Variants in NKAIN2 observed in about 807,000 individuals in gnomAD.
NKAIN2 encodes the protein sodium/potassium transporting ATPase interacting 2.
In NKAIN2, 14 loss-of-function variants were observed where a neutral mutation model predicts 32.6. That is an observed-to-expected ratio of 0.43 (90% CI 0.28 to 0.67). The LOEUF (loss-of-function observed/expected upper bound fraction) is 0.67. NKAIN2 is among the 30% of genes least tolerant of loss of function. The pLI, the probability that NKAIN2 is intolerant of heterozygous loss-of-function variation, is 0.17. For synonymous variants in NKAIN2, 80 were observed against 87.2 expected (o/e 0.92, Z 0.46); for missense variants, 198 against 258.3 (o/e 0.77, Z 1.60).
chr6:124,742,906 A>G (rs1387535202), intron 4 of NKAIN2, among the ~76,000 whole-genome samples: 1 of 151,952 alleles, frequency 6.6e-6, no homozygotes, highest in African/African-American at 2.4e-5. Context: ...ATAACATAAT[A>G]AGATCAAAAC....
chr6:123,807,563 T>G (rs1217326804), intron 1 of NKAIN2, among the ~76,000 whole-genome samples: 1 of 152,114 alleles, frequency 6.6e-6, no homozygotes, highest in Non-Finnish European at 1.5e-5. Flanking sequence ...TGTGAAAGTT[T>G]TGGCATGTTT....
intron 3 of NKAIN2, among the ~76,000 whole-genome samples, chr6:124,531,048 C>A (rs1044771645): frequency 2.0e-5 from 3 of 152,176 alleles, no homozygotes; most frequent in Non-Finnish European, 2.9e-5. Flanking sequence ...TACCAGCTAT[C>A]TGGATATCCC....
At chr6:124,115,427 G>A (rs1452982046) in intron 1 of NKAIN2, among the ~76,000 whole-genome samples, 1 of 152,080 alleles carries the variant, frequency 6.6e-6, no homozygotes, top group African/African-American at 2.4e-5. Context: ...CTAGGATTAT[G>A]AGCGAAGTTC....
chr6:123,804,838 A>G (rs1045765682), intron 1 of NKAIN2, among the ~76,000 whole-genome samples: 6 of 152,194 alleles, frequency 3.9e-5, no homozygotes, highest in Non-Finnish European at 7.4e-5. Context: ...GAACAAAAAT[A>G]CTTAGGTGAA....
At chr6:123,948,770 G>GTCC (rs1005908921) in intron 1 of NKAIN2, among the ~76,000 whole-genome samples, 4 of 151,460 alleles carry the variant, frequency 2.6e-5, no homozygotes, top group African/African-American at 9.7e-5. Context: ...GTTTAATATA[G>GTCC]TCCTCTTTGA....
intron 1 of NKAIN2, among the ~76,000 whole-genome samples, chr6:123,810,314 GT>G (rs911546748): frequency 6.7e-5 from 10 of 149,204 alleles, no homozygotes; most frequent in South Asian, 2.1e-4. Flanking sequence ...AGCCTCTCAT[GT>G]TTTTTTTTTC....
At chr6:124,610,068 C>G (rs1317257295) in intron 3 of NKAIN2, among the ~76,000 whole-genome samples, 1 of 152,142 alleles carries the variant, frequency 6.6e-6, no homozygotes, top group East Asian at 1.9e-4. Context: ...GAAGTCATAC[C>G]TGAGCTGGAG....
At chr6:124,109,331 A>G (rs1785262214) in intron 1 of NKAIN2, among the ~76,000 whole-genome samples, 1 of 151,834 alleles carries the variant, frequency 6.6e-6, no homozygotes, top group Non-Finnish European at 1.5e-5. Context: ...TTGCCTAATT[A>G]CCTTTTCAGA....
intron 1 of NKAIN2, among the ~76,000 whole-genome samples, chr6:124,106,374 G>C (rs73563199): frequency 0.017 from 2,661 of 152,186 alleles, 76 homozygotes; most frequent in African/African-American, 0.061. Context: ...TGTTATTACT[G>C]TTAGGGAAAA....
chr6:124,083,444 C>G (rs1466813250), intron 1 of NKAIN2, among the ~76,000 whole-genome samples: 1 of 151,580 alleles, frequency 6.6e-6, no homozygotes, highest in Non-Finnish European at 1.5e-5. Context: ...AATTGTTTTT[C>G]TTTTGTTGCA....
intron 5 of NKAIN2, among the ~76,000 whole-genome samples, chr6:124,813,610 A>T (rs1210053202): frequency 6.6e-6 from 1 of 152,132 alleles, no homozygotes; most frequent in African/African-American, 2.4e-5. Flanking sequence ...CCTGGTTTCT[A>T]CTCTCATCCT....
At chr6:124,478,114 A>G (rs140113185) in intron 3 of NKAIN2, among the ~76,000 whole-genome samples, 96 of 152,178 alleles carry the variant, frequency 6.3e-4, no homozygotes, top group African/African-American at 2.3e-3. Flanking sequence ...TTTCCTCTCA[A>G]AATGGTTGCC....
At chr6:124,770,703 C>G in intron 4 of NKAIN2, among the ~76,000 whole-genome samples, 1 of 152,132 alleles carries the variant, frequency 6.6e-6, no homozygotes, top group African/African-American at 2.4e-5. Context: ...CATTATTTCA[C>G]TTCTTATGAT....
At chr6:124,161,070 CT>C (rs1457270227) in intron 1 of NKAIN2, among the ~76,000 whole-genome samples, 2 of 152,104 alleles carry the variant, frequency 1.3e-5, no homozygotes, top group Non-Finnish European at 2.9e-5. Context: ...TATTAGTCCA[CT>C]TTTGCATTGC....
rs1319279918 is a variant in NKAIN2, at chr6:123,938,435, TATATATATATATATATAC to T, written c.54+134183_54+134200del. 2.8e-3 allele frequency among the ~76,000 whole-genome samples: 128 copies of T among 46,232 alleles called. 1 individual carries two copies. The highest frequency in any genetic ancestry group is 5.6e-3 in the East Asian group (7 of 1,254). 30.3% of individuals were successfully genotyped at this position (46,232 alleles called of 152,430 possible). ...ATATATATATATATATATATATATA[TATATATATATATATATAC>T]ACACACACACACACGCATATTATAC... is the stretch of plus-strand genomic sequence containing the variant. On this transcript the variant is annotated intron_variant, in intron 1 of 6. Transcript: ENST00000368417.
At chr6:123,937,159 T>C (rs1289743446) in intron 1 of NKAIN2, among the ~76,000 whole-genome samples, 1 of 152,142 alleles carries the variant, frequency 6.6e-6, no homozygotes, top group Admixed American at 6.6e-5. Flanking sequence ...TTTAACATAA[T>C]AGGTATATGA....
intron 1 of NKAIN2, among the ~76,000 whole-genome samples, chr6:124,228,959 T>C (rs553104216): frequency 6.6e-6 from 1 of 152,268 alleles, no homozygotes; most frequent in African/African-American, 2.4e-5. Context: ...AAAGAGATGC[T>C]AGTAAGTACC....
chr6:124,255,987 C>T (rs1398503382), intron 1 of NKAIN2, among the ~76,000 whole-genome samples: 2 of 152,286 alleles, frequency 1.3e-5, no homozygotes, highest in Non-Finnish European at 2.9e-5. Context: ...ATTTGAAGCT[C>T]CTCTCCACTG....
At chr6:124,755,580 G>C (rs1301141974) in intron 4 of NKAIN2, among the ~76,000 whole-genome samples, 1 of 152,110 alleles carries the variant, frequency 6.6e-6, no homozygotes, top group Non-Finnish European at 1.5e-5. Context: ...TGGAGCTGGA[G>C]GCCATTATCC....
Sources: gnomAD v4.1 joint callset for allele counts (sites outside exome capture counted in the v4.1 genomes callset) on GRCh38, gnomAD v4.1.1 for gene constraint, MANE v1.5 for transcripts, NCBI Gene and HGNC (gene_info 2026-07-23, HGNC 2026-07-21) for gene names.